Variants in MIB1 observed in about 807,000 individuals in gnomAD.
MIB1 encodes E3 ubiquitin-protein ligase MIB1.
MIB1 carries 278 observed loss-of-function variants against 124.5 expected under a neutral mutation model. That is an observed-to-expected ratio of 2.23 (90% CI 2.02 to 2.47). MIB1 has a LOEUF of 2.47. Ranked by LOEUF, MIB1 falls within the 30% of genes most tolerant of loss-of-function variation. The pLI is 0.00. For missense variants in MIB1, 957 were observed against 1,254.4 expected (o/e 0.76, Z 3.58); for synonymous variants, 446 against 429.4 (o/e 1.04, Z -0.48).
chr18:21,864,555 G>T lies in MIB1; in HGVS notation c.2910G>T (p.Leu970=). 1 of 1,613,474 alleles carries T rather than the reference G, an allele frequency of 6.2e-7. No homozygotes were observed. The highest frequency in any genetic ancestry group is 8.5e-7 in the Non-Finnish European group (1 of 1,179,466). ...TGTGCCCTGTGTGTCTAGATCGTCT[G>T]AAGAATATGATTTTCCTTTGTGGTC... ...QTMCPVCLDR[L]KNMIFLCGHG... is the part of the protein sequence containing the mutation. Residue 970 remains leucine, a synonymous_variant, in exon 21 of 21, where the codon CTG becomes CTT. Transcript: ENST00000261537.
chr18:21,779,878 GTGTGTGTGTGTGTCTTGTGTGTGTA>G (rs1262429232), intron 6 of MIB1, among the ~76,000 whole-genome samples, 193 bp downstream of exon 6: 4 of 151,958 alleles, frequency 2.6e-5, no homozygotes, highest in Non-Finnish European at 5.9e-5. Flanking sequence ...GTGTGTGTGT[GTGTGTGTGTGTGTCTTGTGTGTGTA>G]TGTGAATTTA....
intron 1 of MIB1, among the ~76,000 whole-genome samples, chr18:21,759,539 C>A (rs934831182): frequency 6.6e-6 from 1 of 152,198 alleles, no homozygotes; most frequent in African/African-American, 2.4e-5. Context: ...CCGTGCCTGG[C>A]CTTTGTATTC....
upstream of MIB1, among the ~76,000 whole-genome samples, chr18:21,739,430 C>T (rs898512404): frequency 7.9e-5 from 12 of 152,154 alleles, no homozygotes; most frequent in Non-Finnish European, 1.3e-4. Flanking sequence ...CTCCCTCCTT[C>T]GTAAAACTCA....
chr18:21,860,456 T>G (rs1346311536), intron 20 of MIB1, among the ~76,000 whole-genome samples: 1 of 152,074 alleles, frequency 6.6e-6, no homozygotes, highest in East Asian at 1.9e-4. Context: ...TACCTAATAT[T>G]TAATAAAAGC....
In MIB1 at chr18:21,822,358, G is replaced by A. The variant is rs191738058; in HGVS notation, c.1829+2712G>A. Among the ~76,000 whole-genome samples the A allele has an allele frequency of 6.0e-4, 92 of 152,280 alleles. 1 individual carries two copies. Among genetic ancestry groups the A allele is most frequent in the South Asian group, 4.1e-3 (20 of 4,832 alleles). On this transcript the variant is annotated intron_variant, in intron 12 of 20. Transcript: ENST00000261537. The stretch of plus-strand genomic sequence containing the variant: ...TAATGCTAAGCCTATACAAGGAAGA[G>A]AAAATTTACTTTTATTTTTTTCAAT...
chr18:21,772,270 AC>A (rs1315948333), intron 3 of MIB1, among the ~76,000 whole-genome samples: 2 of 152,344 alleles, frequency 1.3e-5, no homozygotes, highest in African/African-American at 4.8e-5. Flanking sequence ...ATTCTAAGTA[AC>A]TATGAAGGAT....
At chr18:21,709,465 G>C (rs2040656349) in intron 1 of MIB1, among the ~76,000 whole-genome samples, 1 of 152,186 alleles carries the variant, frequency 6.6e-6, no homozygotes, top group African/African-American at 2.4e-5. Context: ...GTTGCCTCTG[G>C]AAACAGGGTG....
chr18:21,831,118 A>C (rs1006422983), intron 12 of MIB1: 19 of 151,704 alleles, frequency 1.3e-4, no homozygotes, highest in East Asian at 3.9e-4. Flanking sequence ...AAAAAAAAAA[A>C]AACAAAAACA....
intron 10 of MIB1, among the ~76,000 whole-genome samples, chr18:21,805,687 A>C (rs974867893): frequency 3.4e-5 from 5 of 148,626 alleles, no homozygotes; most frequent in African/African-American, 1.2e-4. Flanking sequence ...ATAAGGCAAG[A>C]AGCTGAAAAA....
chr18:21,752,046 G>T (rs2040980707), intron 1 of MIB1, among the ~76,000 whole-genome samples: 2 of 152,180 alleles, frequency 1.3e-5, no homozygotes, highest in Non-Finnish European at 2.9e-5. Flanking sequence ...CTTCTTGTAA[G>T]AAAACATATT....
intron 7 of MIB1, chr18:21,794,261 C>CA (rs746731180): frequency 6.7e-6 from 1 of 148,784 alleles, no homozygotes. Context: ...TAACTTAGGA[C>CA]ATAATTAAAA....
rs776005054 is a variant in MIB1, at chr18:21,858,535, C to G, written c.2780-11C>G. On this transcript the variant is annotated splice_polypyrimidine_tract_variant and intron_variant, in intron 19 of 20. Coordinates refer to ENST00000261537, the MANE Select transcript of MIB1 (RefSeq NM_020774.4). ...ATAATAACTGAAAATCTTTTTAAAT[C>G]TATATTATAGCAAGTGGGAATATTC... The G allele has an allele frequency of 2.4e-6, 3 of 1,226,256 alleles. No homozygotes were observed. The highest frequency in any genetic ancestry group is 3.6e-6 in the Non-Finnish European group (3 of 844,416). The allele number at this position is 1,226,256 out of a possible 1,614,324, so 76.0% of individuals were successfully genotyped here. A position where few individuals can be genotyped will look rare whatever the true frequency, so the allele number is the denominator to read the frequency against.
At chr18:21,783,359 C>G (rs538405410) in intron 6 of MIB1, among the ~76,000 whole-genome samples, 1 of 151,934 alleles carries the variant, frequency 6.6e-6, no homozygotes, top group Non-Finnish European at 1.5e-5. Flanking sequence ...TCTCCTGTCT[C>G]AGCCTTCCGA....
In MIB1 at chr18:21,819,494, G is replaced by C. The variant is rs1568214615; in HGVS notation, c.1678-1G>C. On this transcript the variant is annotated splice_acceptor_variant, in intron 11 of 20. Coordinates refer to ENST00000261537, the MANE Select transcript of MIB1 (RefSeq NM_020774.4). LOFTEE classifies it high-confidence loss of function. The stretch of plus-strand genomic sequence containing the variant: ...TAATGAAAATTTCTTTAAACTTAAA[G>C]GATTCTGAAGGTGATACCCCTCTTC... 6.3e-7 allele frequency: 1 copy of C among 1,584,512 alleles called. No individual in the cohort carries two copies. The highest frequency in any genetic ancestry group is 1.8e-5 in the Admixed American group (1 of 56,068).
At chr18:21,709,452 A>G (rs575775064) in intron 1 of MIB1, among the ~76,000 whole-genome samples, 1 of 152,120 alleles carries the variant, frequency 6.6e-6, no homozygotes, top group Non-Finnish European at 1.5e-5. Context: ...AATCCCTGAC[A>G]CTGTTGCCTC....
chr18:21,839,329 C>G (rs908648128), intron 13 of MIB1, among the ~76,000 whole-genome samples: 4 of 152,110 alleles, frequency 2.6e-5, no homozygotes, highest in East Asian at 1.9e-4. Flanking sequence ...AATTACTGCT[C>G]TCTGTTAATT....
chr18:21,827,951 G>A (rs1957054085), intron 12 of MIB1: 1 of 151,950 alleles, frequency 6.6e-6, no homozygotes, highest in Non-Finnish European at 1.5e-5. Context: ...GTTAGAATAT[G>A]TGAATATTAC....
Position 21,742,924 on chromosome 18 carries a change from T to C in MIB1, c.229+1112T>C, listed in dbSNP as rs1363861764. The stretch of plus-strand genomic sequence containing the variant: ...AATTCGTAAAATTGTGTTCCTTAGC[T>C]GGCTTTTTAAAAACATTTATTAAAA... On this transcript the variant is annotated intron_variant, in intron 1 of 20. Coordinates refer to ENST00000261537, the MANE Select transcript of MIB1 (RefSeq NM_020774.4). Among the ~76,000 whole-genome samples the C allele has an allele frequency of 4.6e-5, 7 of 152,222 alleles. No individual in the cohort carries two copies. In the South Asian group the frequency reaches 1.4e-3, roughly 31 times the overall value.
chr18:21,724,730 ATATAT>A (rs2040732718), intron 1 of MIB1, among the ~76,000 whole-genome samples: 40 of 41,382 alleles, frequency 9.7e-4, no homozygotes, highest in African/African-American at 1.2e-3. Flanking sequence ...AAAAAAAAAT[ATATAT>A]ATATATATAT....
Sources: allele counts gnomAD v4.1 joint callset (sites outside exome capture counted in the v4.1 genomes callset), GRCh38; gene constraint gnomAD v4.1.1; transcripts MANE v1.5; gene names NCBI Gene and HGNC (gene_info 2026-07-23, HGNC 2026-07-21).